ZNF385D: variants seen among roughly 807,000 people sequenced by gnomAD.
ZNF385D encodes the protein zinc finger protein 659.
ZNF385D carries 15 observed loss-of-function variants against 35.8 expected under a neutral mutation model. The observed-to-expected ratio is 0.42, with a 90% CI of 0.28 to 0.64. ZNF385D has a LOEUF of 0.64. Ranked by LOEUF, ZNF385D falls within the 30% of genes least tolerant of loss-of-function variation. ZNF385D has a pLI of 0.23. For synonymous variants in ZNF385D, 212 were observed against 186.8 expected (o/e 1.13, Z -1.10); for missense variants, 474 against 494.6 (o/e 0.96, Z 0.39).
intron 2 of ZNF385D, among the ~76,000 whole-genome samples, chr3:22,311,811 T>G (rs1703568212): frequency 6.6e-6 from 1 of 152,098 alleles, no homozygotes; most frequent in African/African-American, 2.4e-5. Context: ...ATTGAGCCAA[T>G]TTTTACTATT....
In ZNF385D at chr3:21,885,483, G is replaced by A. The variant is rs147848029; in HGVS notation, c.326-220455C>T. Reference sequence around the variant, plus strand: ...GATTTTATGACAATATTTTTACTGGGAAAAGAGCAAATGGAGATATAACTC... The same window carrying A: ...GATTTTATGACAATATTTTTACTGGAAAAAGAGCAAATGGAGATATAACTC... On this transcript the variant is annotated intron_variant, in intron 3 of 5. Coordinates refer to the ZNF385D transcript ENST00000494108. 3.1e-3 allele frequency among the ~76,000 whole-genome samples: 466 copies of A among 151,822 alleles called. 6 individuals carry two copies. Among genetic ancestry groups the A allele is most frequent in the African/African-American group, 0.011 (451 of 41,446 alleles).
At chr3:22,059,658 G>A (rs1471206670) in intron 3 of ZNF385D, among the ~76,000 whole-genome samples, 2 of 152,166 alleles carry the variant, frequency 1.3e-5, no homozygotes, top group Non-Finnish European at 2.9e-5. Flanking sequence ...CAATGGGTAT[G>A]TGGAGCACAT....
intron 3 of ZNF385D, among the ~76,000 whole-genome samples, chr3:21,871,765 G>C (rs576322316): frequency 6.6e-6 from 1 of 151,992 alleles, no homozygotes; most frequent in Non-Finnish European, 1.5e-5. Flanking sequence ...CAGCACTTTC[G>C]GAGGCTGAGG....
intron 2 of ZNF385D, among the ~76,000 whole-genome samples, chr3:22,312,898 C>T (rs1703652403): frequency 7.7e-6 from 1 of 129,410 alleles, no homozygotes; most frequent in Admixed American, 7.7e-5. Context: ...CATCCCATTA[C>T]TGGGTATATA....
chr3:21,609,072 T>C (rs1368544565), intron 2 of ZNF385D, among the ~76,000 whole-genome samples: 2 of 152,216 alleles, frequency 1.3e-5, no homozygotes, highest in East Asian at 3.8e-4. Flanking sequence ...TGGGAGTTGT[T>C]TTCCCACCTG....
rs144825579 is a variant in ZNF385D, at chr3:22,125,684, A to C, written c.325+43133T>G. 8.0e-4 allele frequency among the ~76,000 whole-genome samples: 122 copies of C among 152,218 alleles called. 1 individual carries two copies. The highest frequency in any genetic ancestry group is 2.9e-3 in the African/African-American group (119 of 41,564). ...ATTATCAGGTATTTTATTGGTAGCC[A>C]TTATAAATGAAATTATATTCTTGAT... On this transcript the variant is annotated intron_variant, in intron 3 of 5. Transcript: ENST00000494108.
Position 22,210,033 on chromosome 3 carries a change from C to T in ZNF385D, c.107-40998G>A, listed in dbSNP as rs183073801. Among the ~76,000 whole-genome samples, 626 of 151,436 alleles carry T rather than the reference C, an allele frequency of 4.1e-3. 5 individuals carry two copies. Among genetic ancestry groups the T allele is most frequent in the Non-Finnish European group, 7.1e-3 (483 of 67,750 alleles). On this transcript the variant is annotated intron_variant, in intron 2 of 5. Transcript: ENST00000494108. Reference sequence around the variant, plus strand: ...TATTATATTCAATATCATATTTTGCCATGTACCGAGAGGTTTGAAATAAAA... The same window carrying T: ...TATTATATTCAATATCATATTTTGCTATGTACCGAGAGGTTTGAAATAAAA...
chr3:21,750,771 G>T (rs1273721249), intron 1 of ZNF385D, 124 bp downstream of exon 1: 8 of 1,221,510 alleles, frequency 6.5e-6, no homozygotes, highest in African/African-American at 1.5e-5. Context: ...TGGTCCTCCA[G>T]TTGCCAACTG....
intron 2 of ZNF385D, among the ~76,000 whole-genome samples, chr3:21,648,141 G>C (rs551336902): frequency 5.8e-4 from 88 of 152,242 alleles, no homozygotes; most frequent in Admixed American, 5.8e-3. Flanking sequence ...TAATCTGCAC[G>C]TGTCAAGGGA....
chr3:21,831,230 C>A (rs1200785354), intron 3 of ZNF385D, among the ~76,000 whole-genome samples: 2 of 151,998 alleles, frequency 1.3e-5, no homozygotes, highest in African/African-American at 4.8e-5. Context: ...TCATTCCCTT[C>A]AAAATTTAAC....
chr3:22,102,911 A>AAAG (rs1348523976), intron 3 of ZNF385D, among the ~76,000 whole-genome samples: 2 of 149,882 alleles, frequency 1.3e-5, no homozygotes, highest in African/African-American at 4.9e-5. Context: ...AAAAAAACCA[A>AAAG]CAAGTTCTCA....
At chr3:21,462,870 TACTC>T (rs1703265615) in intron 4 of ZNF385D, among the ~76,000 whole-genome samples, 1 of 152,108 alleles carries the variant, frequency 6.6e-6, no homozygotes, top group Admixed American at 6.5e-5. Context: ...TAATCCCAGC[TACTC>T]AGGAAGTTGA....
intron 2 of ZNF385D, among the ~76,000 whole-genome samples, chr3:21,627,284 T>TGA (rs1553626126): frequency 2.0e-5 from 3 of 149,800 alleles, no homozygotes; most frequent in African/African-American, 7.3e-5. Context: ...TGTGTGTGTG[T>TGA]GTGAATTACT....
intron 3 of ZNF385D, among the ~76,000 whole-genome samples, chr3:21,797,404 G>C (rs945003224): frequency 6.6e-6 from 1 of 152,184 alleles, no homozygotes; most frequent in Admixed American, 6.5e-5. Context: ...CAAAATCCTA[G>C]AGCCACTTTG....
At chr3:21,428,932 C>G (rs1701148090) in intron 5 of ZNF385D, among the ~76,000 whole-genome samples, 2 of 49,814 alleles carry the variant, frequency 4.0e-5, no homozygotes, top group South Asian at 9.8e-4. Flanking sequence ...TCCAAGAAAT[C>G]CTTTTTTTTT....
rs373868114 is a variant in ZNF385D, at chr3:21,819,405, A to G, written c.326-154377T>C. On this transcript the variant is annotated intron_variant, in intron 3 of 5. Coordinates refer to the ZNF385D transcript ENST00000494108. ...ACAAGGTAACAGAAAAAAATCTGAAAGTAAAACGGTGAGAAAGTACATACC... is the reference window on the plus strand; with the variant it reads ...ACAAGGTAACAGAAAAAAATCTGAAGGTAAAACGGTGAGAAAGTACATACC... 5.9e-5 allele frequency among the ~76,000 whole-genome samples: 9 copies of G among 151,550 alleles called. No individual in the cohort carries two copies. The East Asian group carries it at 7.7e-4, about 13-fold the overall frequency.
chr3:22,366,690 G>A (rs187983848), intron 2 of ZNF385D, among the ~76,000 whole-genome samples: 1 of 152,114 alleles, frequency 6.6e-6, no homozygotes, highest in East Asian at 1.9e-4. Context: ...AAATACATTA[G>A]TTCGTAATCC....
chr3:21,859,589 T>C (rs1373267721), intron 3 of ZNF385D, among the ~76,000 whole-genome samples: 3 of 151,028 alleles, frequency 2.0e-5, no homozygotes, highest in Non-Finnish European at 4.4e-5. Context: ...TGCAGGCCCA[T>C]CAATTCAGCT....
chr3:22,160,489 A>C (rs1705873725), intron 3 of ZNF385D, among the ~76,000 whole-genome samples: 2 of 152,250 alleles, frequency 1.3e-5, no homozygotes, highest in South Asian at 4.1e-4. Flanking sequence ...ATTAACTATC[A>C]ATGTTGCAGG....
Sources: gnomAD v4.1 joint callset for allele counts (sites outside exome capture counted in the v4.1 genomes callset) on GRCh38, gnomAD v4.1.1 for gene constraint, MANE v1.5 for transcripts, NCBI Gene and HGNC (gene_info 2026-07-23, HGNC 2026-07-21) for gene names.